Variants in DAPK2 observed in about 807,000 individuals in gnomAD.
DAPK2 encodes the protein death associated protein kinase 2, also known as death-associated protein kinase 2.
In DAPK2, 35 loss-of-function variants were observed where a neutral mutation model predicts 44.1. The observed-to-expected ratio is 0.79, with a 90% confidence interval of 0.61 to 1.05. The LOEUF is 1.05. Ranked by LOEUF, DAPK2 falls within the 50% of genes least tolerant of loss-of-function variation. The pLI is 0.00. For missense variants in DAPK2, 453 were observed against 483.2 expected, an observed-to-expected ratio of 0.94 and a Z score of 0.59; for synonymous variants, 174 against 182.6, an observed-to-expected ratio of 0.95 and a Z score of 0.38.
At chr15:63,927,042 A>G (rs1004963653) in intron 6 of DAPK2, among the ~76,000 whole-genome samples, 6 of 152,194 alleles carry the variant, frequency 3.9e-5, no homozygotes, top group African/African-American at 1.4e-4. Context: ...TCAGCCACTC[A>G]TTAGCTGTGT....
intron 1 of DAPK2, among the ~76,000 whole-genome samples, chr15:64,038,030 C>T (rs395764): frequency 0.82 from 125,079 of 152,152 alleles, 51,730 homozygotes; most frequent in East Asian, 0.92. Context: ...AGGTCTCTTC[C>T]GGGTCTAATA....
chr15:64,040,897 GAAAAAAAAAAAA>G (rs3056980), upstream of DAPK2, among the ~76,000 whole-genome samples: 1 of 83,424 alleles, frequency 1.2e-5, no homozygotes, highest in Non-Finnish European at 2.4e-5. Context: ...CTGGGCAACA[GAAAAAAAAAAAA>G]AAAAAAAAAA....
chr15:64,007,394 C>G (rs910237278), intron 1 of DAPK2, among the ~76,000 whole-genome samples: 2 of 152,118 alleles, frequency 1.3e-5, no homozygotes, highest in Non-Finnish European at 2.9e-5. Context: ...CCTTCCTCTC[C>G]CCTATCATGG....
intron 1 of DAPK2, among the ~76,000 whole-genome samples, chr15:64,022,855 A>T (rs1181087440): frequency 6.6e-6 from 1 of 152,164 alleles, no homozygotes; most frequent in African/African-American, 2.4e-5. Context: ...TCAAGCCCTA[A>T]AAGAGCGCAC....
chr15:63,964,118 T>C (rs2077986658), intron 3 of DAPK2, among the ~76,000 whole-genome samples: 1 of 152,234 alleles, frequency 6.6e-6, no homozygotes. Context: ...CCCTTTAGCA[T>C]TTCTTGTAGG....
intron 1 of DAPK2, among the ~76,000 whole-genome samples, chr15:64,045,407 C>T (rs753534985): frequency 9.9e-5 from 15 of 152,160 alleles, no homozygotes; most frequent in Non-Finnish European, 1.9e-4. Flanking sequence ...ATATCTTCCA[C>T]AGAGGCAGTT....
intron 1 of DAPK2, among the ~76,000 whole-genome samples, chr15:64,027,493 C>T (rs749770420): frequency 6.6e-6 from 1 of 151,862 alleles, no homozygotes; most frequent in African/African-American, 2.4e-5. Flanking sequence ...CCAAGGAGGT[C>T]AGAAGCTGCA....
In DAPK2 at chr15:63,923,144, T is replaced by C; in HGVS notation, c.858+1672A>G. On this transcript the variant is annotated intron_variant, in intron 8 of 10. Transcript: ENST00000261891. The surrounding 1 kb of genome is among the most constrained non-coding windows in gnomAD (Gnocchi z 4.2). Reference sequence around the variant, plus strand: ...CTCCACATCGTCCTGGATGGTATCGTGGGCCTCCACCAGGGCACGGCATCC... The same window carrying C: ...CTCCACATCGTCCTGGATGGTATCGCGGGCCTCCACCAGGGCACGGCATCC... 1.3e-6 allele frequency: 2 copies of C among 1,535,826 alleles called. No individual in the cohort carries two copies. Among genetic ancestry groups the C allele is most frequent in the Middle Eastern group, 1.7e-4 (1 of 5,984 alleles).
At position 64,020,199 on chromosome 15, in the gene DAPK2, G is replaced by A. The variant is rs193284850; in HGVS notation, c.92+19971C>T. On this transcript the variant is annotated intron_variant, in intron 1 of 10. Coordinates refer to ENST00000261891, the Ensembl canonical transcript of DAPK2. This position sits in a 1 kb window ranked among gnomAD's most constrained non-coding sequence, Gnocchi z 4.5. ...AAGGCACTTATATGCTAGAGATGGG[G>A]GAAAGGAAACTGAGGACTTGCCTAA... Among the ~76,000 whole-genome samples, 4 of 152,150 alleles carry A rather than the reference G, an allele frequency of 2.6e-5. No homozygotes were observed. Among genetic ancestry groups the A allele is most frequent in the African/African-American group, 4.8e-5 (2 of 41,408 alleles).
intron 8 of DAPK2, chr15:63,922,843 C>G (rs2079117673): frequency 6.5e-7 from 1 of 1,535,846 alleles, no homozygotes; most frequent in African/African-American, 1.4e-5. Context: ...CCTCAGAGCT[C>G]CCACTCTCCA....
At chr15:63,941,753 G>A (rs557419757) in intron 3 of DAPK2, among the ~76,000 whole-genome samples, 2 of 152,042 alleles carry the variant, frequency 1.3e-5, no homozygotes, top group East Asian at 1.9e-4. Flanking sequence ...CCAAGGCACC[G>A]CAAATTTCCC....
At chr15:64,025,024 A>G (rs772380661) in intron 1 of DAPK2, among the ~76,000 whole-genome samples, 17 of 152,122 alleles carry the variant, frequency 1.1e-4, no homozygotes, top group Non-Finnish European at 2.1e-4. Context: ...CTGGACTCTC[A>G]GCAGGCTCCC....
At chr15:64,010,478 G>A (rs1258728151) in intron 1 of DAPK2, among the ~76,000 whole-genome samples, 1 of 152,140 alleles carries the variant, frequency 6.6e-6, no homozygotes, top group African/African-American at 2.4e-5. Context: ...GTATAGGCAT[G>A]GGGATCCGCA....
intron 3 of DAPK2, among the ~76,000 whole-genome samples, chr15:63,956,886 C>CA (rs1206674757): frequency 6.6e-6 from 1 of 152,158 alleles, no homozygotes; most frequent in Non-Finnish European, 1.5e-5. Context: ...TGCACCTGGC[C>CA]AAAAATTTTT....
intron 3 of DAPK2, among the ~76,000 whole-genome samples, chr15:63,946,370 A>T (rs2077450258): frequency 1.3e-5 from 2 of 152,254 alleles, no homozygotes; most frequent in Non-Finnish European, 1.5e-5. Context: ...GACAAAGGCA[A>T]GTCTGGGTTC....
Position 63,924,870 on chromosome 15 carries a change from A to G in DAPK2, c.813-9T>C. The G allele has an allele frequency of 6.2e-7, 1 of 1,614,058 alleles. No individual in the cohort carries two copies. Among genetic ancestry groups the G allele is most frequent in the African/African-American group, 1.3e-5 (1 of 75,052 alleles). ...GGATTGTGAGCCGTTTCCTGCAATG[A>G]GGATTGGGAAACAGTGATGATCCAT... is the stretch of plus-strand genomic sequence containing the variant. On this transcript the variant is annotated splice_polypyrimidine_tract_variant and intron_variant, in intron 7 of 10. Transcript: ENST00000261891.
In DAPK2 at chr15:63,966,217, ATGT is replaced by A. The variant is rs1468251150; in HGVS notation, c.453+5203_453+5205del. Among the ~76,000 whole-genome samples, 4 of 152,192 alleles carry A rather than the reference ATGT, an allele frequency of 2.6e-5. No homozygotes were observed. Among genetic ancestry groups the A allele is most frequent in the African/African-American group, 7.2e-5 (3 of 41,452 alleles). ...CTTCTGGCTCAGAGAGTGTCTAGAAATGTTGTCTGAGATCTAGGGCCTGGAATG... is the reference window on the plus strand; with the variant it reads ...CTTCTGGCTCAGAGAGTGTCTAGAAATGTCTGAGATCTAGGGCCTGGAATG... On this transcript the variant is annotated intron_variant, in intron 3 of 10. Coordinates refer to ENST00000261891, the Ensembl canonical transcript of DAPK2. This position sits in a 1 kb window ranked among gnomAD's most constrained non-coding sequence, Gnocchi z 5.5.
rs74021237 is a variant in DAPK2 at position 64,018,768 on chromosome 15, C to T, written c.92+21402G>A. Among the ~76,000 whole-genome samples the T allele has an allele frequency of 7.6e-3, 1,161 of 152,318 alleles. 15 individuals are homozygous for T. The highest frequency in any genetic ancestry group is 0.026 in the African/African-American group (1,096 of 41,564). On this transcript the variant is annotated intron_variant, in intron 1 of 10. Transcript: ENST00000261891. ...AAAGGTCCTCAGTCCTGGATGGAGACGCATGTACCTTATTTGTTAGCTCAG... is the reference window on the plus strand; with the variant it reads ...AAAGGTCCTCAGTCCTGGATGGAGATGCATGTACCTTATTTGTTAGCTCAG...
At chr15:64,032,738 C>G (rs1014643596) in intron 1 of DAPK2, among the ~76,000 whole-genome samples, 1 of 152,172 alleles carries the variant, frequency 6.6e-6, no homozygotes, top group East Asian at 1.9e-4. Context: ...ATTGCTTGAA[C>G]CCAGGAGTTC....
Sources: gnomAD v4.1 joint callset for allele counts (sites outside exome capture counted in the v4.1 genomes callset) on GRCh38, gnomAD v4.1.1 for gene constraint, Gnocchi (gnomAD v3.1) non-coding constraint, MANE v1.5 for transcripts, NCBI Gene and HGNC (gene_info 2026-07-23, HGNC 2026-07-21) for gene names.